Variants in SRCAP observed in about 807,000 individuals in gnomAD.
SRCAP encodes chromatin remodeling protein SRCAP.
Under a neutral mutation model 263.1 loss-of-function variants are expected in SRCAP, and 46 were observed. The observed-to-expected ratio is 0.17, with a 90% CI of 0.14 to 0.22. The LOEUF is 0.22. Ranked by LOEUF, SRCAP falls within the 10% of genes least tolerant of loss-of-function variation. The pLI is 1.00. For missense variants in SRCAP, 3,695 were observed against 4,181.9 expected, an observed-to-expected ratio of 0.88 and a Z score of 3.21; for synonymous variants, 1,813 against 1,662.1, an observed-to-expected ratio of 1.09 and a Z score of -2.21.
At chr16:30,712,978 T>A (rs1243682384) in intron 14 of SRCAP, among the ~76,000 whole-genome samples, 163 bp downstream of exon 14, 1 of 152,170 alleles carries the variant, frequency 6.6e-6, no homozygotes, top group African/African-American at 2.4e-5. Context: ...CAAGCTGACC[T>A]TGAACACCTG....
At chr16:30,722,060 G>T (rs1229160041) in intron 21 of SRCAP, 62 bp from the exon 22 acceptor site, 2 of 1,563,402 alleles carry the variant, frequency 1.3e-6, no homozygotes, top group African/African-American at 2.7e-5. Context: ...GCTTCATGGG[G>T]TCTGTGAAGT....
In SRCAP at chr16:30,736,414, G is replaced by C. The variant is rs762324138; in HGVS notation, c.6924+20G>C. 6.2e-7 allele frequency: 1 copy of C among 1,605,214 alleles called. No homozygotes were observed. The highest frequency in any genetic ancestry group is 1.7e-5 in the Admixed American group (1 of 59,476). ...GAACAGGTCAGTGCTGGACCCACTAGTTCTTGACTTTACTGCTTCCCCTGG... is the reference window on the plus strand; with the variant it reads ...GAACAGGTCAGTGCTGGACCCACTACTTCTTGACTTTACTGCTTCCCCTGG... On this transcript the variant is annotated intron_variant, in intron 32 of 33. Transcript: ENST00000262518.
intron 18 of SRCAP, among the ~76,000 whole-genome samples, chr16:30,719,707 T>A (rs955744996): frequency 6.6e-6 from 1 of 152,000 alleles, no homozygotes; most frequent in Admixed American, 6.5e-5. Context: ...AGAGACGGGG[T>A]CTTACTATGT....
intron 16 of SRCAP, among the ~76,000 whole-genome samples, chr16:30,714,037 A>G (rs1234185942): frequency 6.8e-6 from 1 of 147,676 alleles, no homozygotes; most frequent in Non-Finnish European, 1.5e-5. Flanking sequence ...AGCCAGGACT[A>G]CAGGCACCCG....
chr16:30,701,540 G>A (rs2052766400), intron 3 of SRCAP: 1 of 152,140 alleles, frequency 6.6e-6, no homozygotes, highest in African/African-American at 2.4e-5. Flanking sequence ...GTAGGAATTT[G>A]AGTGGCGCAG....
At position 30,736,556 on chromosome 16, in the gene SRCAP, C is replaced by A. The variant is rs745546363; in HGVS notation, c.6940C>A (p.Arg2314Ser). Residue 2314 changes from arginine to serine, a missense_variant, in exon 33 of 34, where the codon CGC becomes AGC. Transcript: ENST00000262518. ...ALVEQLTPIE[R>S]YAMKFLEASL... Reference sequence around the variant, plus strand: ...CTCCTTGCAGCTGACCCCCATTGAGCGCTATGCCATGAAATTCCTGGAGGC... The same window carrying A: ...CTCCTTGCAGCTGACCCCCATTGAGAGCTATGCCATGAAATTCCTGGAGGC... The A allele has an allele frequency of 6.2e-7, 1 of 1,614,104 alleles. No individual in the cohort carries two copies. The highest frequency in any genetic ancestry group is 1.7e-5 in the Admixed American group (1 of 60,022).
chr16:30,714,047 G>A (rs1483302855), intron 16 of SRCAP, among the ~76,000 whole-genome samples: 8 of 146,920 alleles, frequency 5.4e-5, no homozygotes, highest in African/African-American at 7.6e-5. Context: ...ACAGGCACCC[G>A]CCACAAAGCC....
At position 30,721,325 on chromosome 16, in the gene SRCAP, C is replaced by G. The variant is rs934792654; in HGVS notation, c.3390C>G (p.Pro1130=). The G allele has an allele frequency of 1.2e-6, 2 of 1,614,176 alleles. No individual in the cohort carries two copies. The highest frequency in any genetic ancestry group is 1.7e-6 in the Non-Finnish European group (2 of 1,180,038). ...PPPGSSSLLK[P]LTVPPGYTFP... The stretch of plus-strand genomic sequence containing the variant: ...CAGGCTCCTCTAGCCTGTTGAAGCC[C>G]CTGACAGTGCCACCAGGCTACACCT... The change falls in exon 21 of 34, where the codon CCC becomes CCG. Residue 1130 remains proline (P), a synonymous_variant. Coordinates refer to ENST00000262518, the MANE Select transcript of SRCAP (RefSeq NM_006662.3).
chr16:30,704,938 T>C (rs1456698902), intron 4 of SRCAP, among the ~76,000 whole-genome samples: 1 of 152,218 alleles, frequency 6.6e-6, no homozygotes, highest in African/African-American at 2.4e-5. Flanking sequence ...CAGTCTGTAT[T>C]ACATTTATCC....
intron 18 of SRCAP, among the ~76,000 whole-genome samples, chr16:30,717,162 T>C (rs2052958978): frequency 6.6e-6 from 1 of 152,172 alleles, no homozygotes; most frequent in Admixed American, 6.5e-5. Context: ...TGAATTGGTA[T>C]TTCATTGTGG....
rs778550081 is a variant in SRCAP at position 30,713,497 on chromosome 16, G to A, written c.2301-22G>A. On this transcript the variant is annotated intron_variant, in intron 15 of 33. Transcript: ENST00000262518. ...GGAGCTTGCTGACCATACTCTCTCT[G>A]ATTCTCTCTGTCTCTTTGCAGCCAG... The A allele has an allele frequency of 1.1e-5, 17 of 1,613,716 alleles. No individual in the cohort carries two copies. The South Asian group carries it at 1.8e-4, about 17-fold the overall frequency.
chr16:30,721,021 A>G, intron 20 of SRCAP, 43 bp downstream of exon 20: 1 of 1,563,948 alleles, frequency 6.4e-7, no homozygotes, highest in Non-Finnish European at 8.7e-7. Context: ...GTGCTTCAGA[A>G]AGGTTGTTCA....
At position 30,720,769 on chromosome 16, in the gene SRCAP, C is replaced by T. The variant is rs200143400; in HGVS notation, c.3044C>T (p.Pro1015Leu). ...EGRTVVVVNNPRAPLGPVPVR... is the reference protein window; with the variant it reads ...EGRTVVVVNNLRAPLGPVPVR... Reference sequence around the variant, plus strand: ...CGGACAGTGGTGGTGGTGAACAACCCACGGGCGCCCCTGGGCCCTGTCCCA... The same window carrying T: ...CGGACAGTGGTGGTGGTGAACAACCTACGGGCGCCCCTGGGCCCTGTCCCA... Residue 1015 changes from proline (P) to leucine (L), a missense_variant, in exon 20 of 34, where the codon CCA becomes CTA. By Grantham distance (98) the Pro-to-Leu change is moderately conservative (BLOSUM62 -3). Coordinates refer to ENST00000262518, the MANE Select transcript of SRCAP (RefSeq NM_006662.3). 2 of 1,613,838 alleles carry T rather than the reference C, an allele frequency of 1.2e-6. No individual in the cohort carries two copies. The highest frequency in any genetic ancestry group is 3.3e-5 in the Admixed American group (2 of 59,988).
intron 6 of SRCAP, among the ~76,000 whole-genome samples, chr16:30,708,160 T>C (rs994183331): frequency 3.9e-5 from 6 of 152,194 alleles, no homozygotes; most frequent in Non-Finnish European, 7.3e-5. Context: ...ACATAGACTT[T>C]ATGCTGCTGG....
rs1362100842 is a variant in SRCAP, at chr16:30,716,205, A to AAGGGAGGAAGG, written c.2630+8_2630+18dup. The AAGGGAGGAAGG allele has an allele frequency of 1.2e-6, 2 of 1,614,050 alleles. No homozygotes were observed. Among genetic ancestry groups the AAGGGAGGAAGG allele is most frequent in the Non-Finnish European group, 1.7e-6 (2 of 1,179,924 alleles). On this transcript the variant is annotated splice_donor_region_variant and intron_variant, in intron 17 of 33. Coordinates refer to ENST00000262518, the MANE Select transcript of SRCAP (RefSeq NM_006662.3). ...GATGACTTCATGGCACAGACCACGT[A>AAGGGAGGAAGG]AGGGAGGAAGGAGGGTGGGCCCTGG...
chr16:30,716,982 C>T (rs1198396735), intron 18 of SRCAP, among the ~76,000 whole-genome samples: 1 of 152,190 alleles, frequency 6.6e-6, no homozygotes, highest in Non-Finnish European at 1.5e-5. Context: ...AGTGAAATTG[C>T]TGTAACATGG....
chr16:30,702,811 G>A (rs1278661834), intron 3 of SRCAP, among the ~76,000 whole-genome samples: 2 of 151,382 alleles, frequency 1.3e-5, no homozygotes, highest in African/African-American at 4.9e-5. Context: ...TCACCATGTT[G>A]GTCAGGCTGG....
chr16:30,710,161 A>G (rs758197578), intron 8 of SRCAP, 33 bp downstream of exon 8: 7 of 1,596,732 alleles, frequency 4.4e-6, no homozygotes, highest in Non-Finnish European at 2.6e-6. Context: ...GAGGGTTCAG[A>G]GGGGGAACAG....
At position 30,740,541 on chromosome 16, in the gene SRCAP, G is replaced by A. The variant is rs551039985; in HGVS notation, c.*808G>A. ...TCTTCATCTAGCCAAACTGGTTTGAGTCAGCCACACCCCTTCCCAGCTCCC... is the reference window on the plus strand; with the variant it reads ...TCTTCATCTAGCCAAACTGGTTTGAATCAGCCACACCCCTTCCCAGCTCCC... On this transcript the variant is annotated 3_prime_UTR_variant, in exon 34 of 34. Transcript: ENST00000262518. 1 of 152,204 alleles carries A rather than the reference G, an allele frequency of 6.6e-6. No homozygotes were observed. The highest frequency in any genetic ancestry group is 1.5e-5 in the Non-Finnish European group (1 of 68,070). The allele number at this position is 152,204 out of a possible 1,614,324, so 9.4% of individuals were successfully genotyped here.
Sources: allele counts gnomAD v4.1 joint callset (sites outside exome capture counted in the v4.1 genomes callset), GRCh38; gene constraint gnomAD v4.1.1; transcripts MANE v1.5; gene names NCBI Gene and HGNC (gene_info 2026-07-23, HGNC 2026-07-21).